PPL: variants seen among roughly 807,000 people sequenced by gnomAD.
The protein encoded by PPL is 190 kDa paraneoplastic pemphigus antigen.
Under a neutral mutation model 194.4 loss-of-function variants are expected in PPL, and 198 were observed. The observed-to-expected ratio is 1.02, with a 90% CI of 0.91 to 1.15. The LOEUF (loss-of-function observed/expected upper bound fraction) is 1.15. Among genes scored for constraint, PPL ranks in the 50% most tolerant of loss-of-function variants. The pLI is 0.00. For missense variants in PPL, 2,885 were observed against 2,294.8 expected (o/e 1.26, Z -5.25); for synonymous variants, 1,220 against 972.4 (o/e 1.25, Z -4.74).
intron 1 of PPL, among the ~76,000 whole-genome samples, chr16:4,927,989 C>G (rs1057294316): frequency 6.6e-6 from 1 of 152,204 alleles, no homozygotes; most frequent in African/African-American, 2.4e-5. Context: ...GCCTCTAGTC[C>G]TGGCTGCTCA....
Position 4,885,791 on chromosome 16 carries a change from C to G in PPL, c.2864G>C (p.Arg955Pro). Residue 955 changes from arginine (R) to proline (P), a missense_variant, in exon 22 of 22, where the codon CGG (arginine) becomes CCG (proline). Physicochemically the swap from Arg to Pro is moderately radical, Grantham distance 103. Transcript: ENST00000345988. This position sits in a 1 kb window ranked among gnomAD's most constrained non-coding sequence, Gnocchi z 6.3. ...CTTGTGCTGCTCCTCTGCCAGCGTC[C>G]GCTGCAGCTGCTGGAAGCTCTCCTC... is the stretch of plus-strand genomic sequence containing the variant. ...VLEESFQQLQ[R>P]TLAEEQHKNQ... 1 of 1,609,760 alleles carries G rather than the reference C, an allele frequency of 6.2e-7. No homozygotes were observed. Among genetic ancestry groups the G allele is most frequent in the Non-Finnish European group, 8.5e-7 (1 of 1,179,974 alleles).
chr16:4,906,355 A>C (rs1265163200), intron 2 of PPL, among the ~76,000 whole-genome samples: 1 of 151,928 alleles, frequency 6.6e-6, no homozygotes, highest in Non-Finnish European at 1.5e-5. Flanking sequence ...CTCCCAAGTA[A>C]CTGGGACTGC....
intron 1 of PPL, among the ~76,000 whole-genome samples, chr16:4,926,603 C>A (rs545726044): frequency 6.6e-6 from 1 of 152,228 alleles, no homozygotes; most frequent in Non-Finnish European, 1.5e-5. Flanking sequence ...TGGCTTGGCG[C>A]GGTGACTCAT....
intron 1 of PPL, among the ~76,000 whole-genome samples, chr16:4,935,409 G>A (rs759719507): frequency 6.6e-6 from 1 of 152,222 alleles, no homozygotes; most frequent in Non-Finnish European, 1.5e-5. Flanking sequence ...GGGGTGGAGA[G>A]GACAGAACGG....
At chr16:4,888,712 AT>A (rs34143557) in intron 19 of PPL, 6,391 of 398,342 alleles carry the variant, frequency 0.016, 7 homozygotes, top group East Asian at 0.024. Context: ...TTTATCCTGC[AT>A]TTTTTTTTTT....
intron 21 of PPL, 120 bp from the exon 22 acceptor site, chr16:4,886,167 C>A: frequency 1.6e-6 from 2 of 1,252,304 alleles, no homozygotes; most frequent in Admixed American, 2.3e-5. Flanking sequence ...AGTGCCAGTT[C>A]ATGTTAGTTG....
intron 8 of PPL, among the ~76,000 whole-genome samples, chr16:4,898,394 C>A (rs1294177894): frequency 2.6e-5 from 4 of 152,094 alleles, no homozygotes; most frequent in Non-Finnish European, 5.9e-5. Flanking sequence ...GGGTTGGTGG[C>A]ATTGTGGGGG....
chr16:4,909,562 G>C (rs1350223102), intron 2 of PPL, among the ~76,000 whole-genome samples: 2 of 151,908 alleles, frequency 1.3e-5, no homozygotes, highest in Non-Finnish European at 2.9e-5. Flanking sequence ...GAGTAGCTGG[G>C]ATTATAGGTG....
At position 4,891,583 on chromosome 16, in the gene PPL, AG is replaced by A. The variant is rs2088320296; in HGVS notation, c.1968+227del. ...CATGTGCCACTACACTGGCTATTGC[AG>A]ATATTTGATCTTAAAATGCTGGCAC... On this transcript the variant is annotated intron_variant, in intron 16 of 21. Coordinates refer to ENST00000345988, the MANE Select transcript of PPL (RefSeq NM_002705.5). 7.7e-6 allele frequency: 4 copies of A among 520,152 alleles called. No individual in the cohort carries two copies. In the East Asian group the frequency reaches 1.3e-4, roughly 17 times the overall value. The allele number at this position is 520,152 out of a possible 1,614,324, so 32.2% of individuals were successfully genotyped here.
intron 1 of PPL, 27 bp from the exon 2 acceptor site, chr16:4,910,976 G>A (rs2088808909): frequency 6.3e-7 from 1 of 1,592,978 alleles, no homozygotes; most frequent in Non-Finnish European, 8.6e-7. Context: ...AGGGGAGATG[G>A]GCGGGGTGCC....
In PPL at chr16:4,899,257, T is replaced by C. The variant is rs1373298562; in HGVS notation, c.734A>G (p.Asn245Ser). 6.2e-7 allele frequency: 1 copy of C among 1,613,776 alleles called. No homozygotes were observed. The highest frequency in any genetic ancestry group is 8.5e-7 in the Non-Finnish European group (1 of 1,179,936). ...GRMQYDWSDR[N>S]LDYPSRRRQY... ...GCGCCGGCGGCTGGGGTAGTCGAGG[T>C]TGCGGTCACTCCAGTCGTACTGCAT... The change falls in exon 7 of 22, where the codon AAC becomes AGC. Residue 245 changes from asparagine to serine, a missense_variant. Physicochemically the swap from Asn to Ser is conservative, Grantham distance 46. Transcript: ENST00000345988.
intron 1 of PPL, among the ~76,000 whole-genome samples, chr16:4,929,504 G>A (rs935965488): frequency 8.5e-5 from 13 of 152,150 alleles, no homozygotes; most frequent in African/African-American, 3.1e-4. Flanking sequence ...CAGACATGCA[G>A]AAAAGTACTG....
intron 14 of PPL, 150 bp from the exon 15 acceptor site, chr16:4,892,363 G>A (rs2088337137): frequency 2.2e-6 from 2 of 891,614 alleles, no homozygotes; most frequent in Non-Finnish European, 3.3e-6. Flanking sequence ...CCCGGCATCT[G>A]GACCCCAGCC....
chr16:4,889,793 G>T (rs1035088971), intron 18 of PPL, among the ~76,000 whole-genome samples: 11 of 152,286 alleles, frequency 7.2e-5, no homozygotes, highest in Admixed American at 3.9e-4. Flanking sequence ...TTGCATCTCA[G>T]CCATTGGCTT....
chr16:4,919,569 C>T (rs971191276), intron 1 of PPL, among the ~76,000 whole-genome samples: 1 of 152,078 alleles, frequency 6.6e-6, no homozygotes, highest in African/African-American at 2.4e-5. Context: ...CCTGGCCAGC[C>T]ACTCTGTATT....
chr16:4,889,521 T>C (rs1047775268), intron 18 of PPL, among the ~76,000 whole-genome samples: 2 of 151,984 alleles, frequency 1.3e-5, no homozygotes, highest in African/African-American at 4.8e-5. Context: ...CCTCCCAAAA[T>C]GCCGGGATTA....
At chr16:4,921,793 G>A (rs761345366) in intron 1 of PPL, among the ~76,000 whole-genome samples, 1 of 151,976 alleles carries the variant, frequency 6.6e-6, no homozygotes, top group African/African-American at 2.4e-5. Context: ...GTGGCAACTC[G>A]AGGCTGAGGA....
At chr16:4,904,139 C>A in intron 2 of PPL, 99 bp from the exon 3 acceptor site, 1 of 1,283,720 alleles carries the variant, frequency 7.8e-7, no homozygotes, top group African/African-American at 1.5e-5. Context: ...GGGTGCTCCC[C>A]TTCTTTCCCT....
rs570950041 is a variant in PPL at position 4,925,031 on chromosome 16, G to T, written c.62+11953C>A. Among the ~76,000 whole-genome samples the T allele has an allele frequency of 5.3e-4, 81 of 152,310 alleles. 2 individuals are homozygous for T. Among genetic ancestry groups the T allele is most frequent in the Middle Eastern group, 3.4e-3 (1 of 294 alleles). On this transcript the variant is annotated intron_variant, in intron 1 of 21. Transcript: ENST00000345988. ...CACTCCCTGCCTGGCCAGGGCCACTGGCCTTTGATCACATCTGCAGTTCCT... is the reference window on the plus strand; with the variant it reads ...CACTCCCTGCCTGGCCAGGGCCACTTGCCTTTGATCACATCTGCAGTTCCT...
Sources: allele counts gnomAD v4.1 joint callset (sites outside exome capture counted in the v4.1 genomes callset), GRCh38; gene constraint gnomAD v4.1.1; non-coding constraint Gnocchi (gnomAD v3.1); transcripts MANE v1.5; gene names NCBI Gene and HGNC (gene_info 2026-07-23, HGNC 2026-07-21).